The following CAMTA1 variants were observed in gnomAD, a reference collection of about 807,000 sequenced individuals.
CAMTA1 encodes the protein calmodulin-binding transcription activator 1.
CAMTA1 carries 27 observed loss-of-function variants against 170.9 expected under a neutral mutation model. The ratio of observed to expected loss-of-function variants is 0.16; its 90% CI spans 0.12 to 0.22. The LOEUF is 0.22. CAMTA1 is among the 10% of genes least tolerant of loss of function. CAMTA1 has a pLI of 1.00. For missense variants in CAMTA1, 1,619 were observed against 2,217.2 expected (o/e 0.73, Z 5.42); for synonymous variants, 833 against 891.5 (o/e 0.93, Z 1.17).
At position 7,715,645 on chromosome 1, in the gene CAMTA1, A is replaced by T. The variant is rs894584605; in HGVS notation, c.2915-16803A>T. Among the ~76,000 whole-genome samples, 3 of 152,138 alleles carry T rather than the reference A, an allele frequency of 2.0e-5. No homozygotes were observed. In the East Asian group the frequency reaches 5.8e-4, roughly 29 times the overall value. On this transcript the variant is annotated intron_variant, in intron 11 of 22. Transcript: ENST00000303635. ...CCTTAAGTGTTTTGCTTTTTTACGT[A>T]ATCCAAGGGATGCTTTAATGCTGGC...
intron 3 of CAMTA1, among the ~76,000 whole-genome samples, chr1:6,973,237 T>C (rs1692845374): frequency 6.6e-6 from 1 of 152,248 alleles, no homozygotes; most frequent in Non-Finnish European, 1.5e-5. Flanking sequence ...GAACTCATCT[T>C]GCATGACTGA....
intron 4 of CAMTA1, among the ~76,000 whole-genome samples, chr1:7,098,395 C>T (rs1298672252): frequency 6.6e-6 from 1 of 152,246 alleles, no homozygotes. Flanking sequence ...TGGCCAAGGC[C>T]ATTGTTGGCC....
intron 6 of CAMTA1, among the ~76,000 whole-genome samples, chr1:7,517,018 G>A (rs1188101355): frequency 6.6e-6 from 1 of 151,856 alleles, no homozygotes; most frequent in Non-Finnish European, 1.5e-5. Flanking sequence ...TCAGATTTTA[G>A]TGTCTGAACT....
At chr1:7,466,102 G>A (rs2093204735) in intron 5 of CAMTA1, among the ~76,000 whole-genome samples, 1 of 152,196 alleles carries the variant, frequency 6.6e-6, no homozygotes, top group Non-Finnish European at 1.5e-5. Flanking sequence ...GAAAGGAGAT[G>A]GTGAATGTCA....
chr1:7,686,249 A>G (rs896858639), intron 11 of CAMTA1, among the ~76,000 whole-genome samples: 2 of 152,168 alleles, frequency 1.3e-5, no homozygotes, highest in African/African-American at 4.8e-5. Context: ...TCAGATGTTG[A>G]TACCTGCTGG....
chr1:7,262,064 G>A (rs1185941764), intron 5 of CAMTA1, among the ~76,000 whole-genome samples: 1 of 152,128 alleles, frequency 6.6e-6, no homozygotes, highest in Non-Finnish European at 1.5e-5. Flanking sequence ...TCATTTTGTT[G>A]GATGCTTTTA....
intron 3 of CAMTA1, among the ~76,000 whole-genome samples, chr1:7,033,281 A>G (rs1339232193): frequency 6.6e-6 from 1 of 151,856 alleles, no homozygotes; most frequent in African/African-American, 2.4e-5. Context: ...GTGGTGTCTA[A>G]TTGTCTGTTA....
intron 3 of CAMTA1, among the ~76,000 whole-genome samples, chr1:7,057,137 G>C (rs755933222): frequency 3.3e-5 from 5 of 152,186 alleles, no homozygotes; most frequent in African/African-American, 9.6e-5. Flanking sequence ...GCCTGAGATG[G>C]GGGTCTGGGC....
intron 6 of CAMTA1, among the ~76,000 whole-genome samples, chr1:7,544,062 G>C (rs1328002202): frequency 6.6e-6 from 1 of 152,094 alleles, no homozygotes; most frequent in African/African-American, 2.4e-5. Context: ...ATCTTGGTTG[G>C]TGTATTAGTC....
At chr1:7,147,389 A>C (rs999881953) in intron 4 of CAMTA1, among the ~76,000 whole-genome samples, 1 of 148,212 alleles carries the variant, frequency 6.7e-6, no homozygotes, top group Non-Finnish European at 1.5e-5. Context: ...GTGCCACTGC[A>C]CTCCAGCCTG....
intron 3 of CAMTA1, among the ~76,000 whole-genome samples, chr1:6,884,391 T>C (rs1672585819): frequency 6.6e-6 from 1 of 152,040 alleles, no homozygotes; most frequent in Middle Eastern, 3.4e-3. Flanking sequence ...TAAAAATTGA[T>C]AATATCAGGT....
At chr1:6,943,242 G>A (rs535136637) in intron 3 of CAMTA1, among the ~76,000 whole-genome samples, 16 of 151,588 alleles carry the variant, frequency 1.1e-4, no homozygotes, top group African/African-American at 3.1e-4. Flanking sequence ...CTCACCTGGC[G>A]TCCAGGACAC....
chr1:7,055,916 C>T (rs1707256029), intron 3 of CAMTA1, among the ~76,000 whole-genome samples: 1 of 152,182 alleles, frequency 6.6e-6, no homozygotes, highest in Non-Finnish European at 1.5e-5. Flanking sequence ...CAGCGAGTCC[C>T]CTGCCCCTTC....
At chr1:7,343,510 A>G (rs845275) in intron 5 of CAMTA1, among the ~76,000 whole-genome samples, 58,458 of 152,096 alleles carry the variant, frequency 0.38, 12,043 homozygotes, top group Non-Finnish European at 0.45. Flanking sequence ...ATGACACACT[A>G]TTGTTGTTGT....
At chr1:7,031,751 C>T (rs1702839032) in intron 3 of CAMTA1, among the ~76,000 whole-genome samples, 1 of 152,072 alleles carries the variant, frequency 6.6e-6, no homozygotes. Flanking sequence ...CTGTGTTAGC[C>T]AGGATGGTGT....
At chr1:6,995,861 TAGAC>T (rs1463715445) in intron 3 of CAMTA1, among the ~76,000 whole-genome samples, 2 of 152,104 alleles carry the variant, frequency 1.3e-5, no homozygotes, top group Non-Finnish European at 2.9e-5. Context: ...CCAGGCAACT[TAGAC>T]AGGCATAAGA....
intron 4 of CAMTA1, among the ~76,000 whole-genome samples, chr1:7,157,870 A>G (rs1403513741): frequency 6.6e-6 from 1 of 152,096 alleles, no homozygotes; most frequent in African/African-American, 2.4e-5. Context: ...AGAGAAACAC[A>G]TTTTGGGGGC....
At position 7,065,404 on chromosome 1, in the gene CAMTA1, G is replaced by A. The variant is rs1708830993; in HGVS notation, c.235-25900G>A. ...TTCAGAGTGGCCAGCGGGAAGTTTT[G>A]TAGTGAATATAGAGGAGACGAAAAA... On this transcript the variant is annotated intron_variant, in intron 3 of 22. Coordinates refer to ENST00000303635, the MANE Select transcript of CAMTA1 (RefSeq NM_015215.4). The surrounding 1 kb of genome is among the most constrained non-coding windows in gnomAD (Gnocchi z 5.2). Among the ~76,000 whole-genome samples, 1 of 152,156 alleles carries A rather than the reference G, an allele frequency of 6.6e-6. No individual in the cohort carries two copies. The highest frequency in any genetic ancestry group is 1.9e-4 in the East Asian group (1 of 5,196).
rs371971274 is a variant in CAMTA1 at position 7,664,525 on chromosome 1, G to A, written c.1978G>A (p.Gly660Ser). The A allele has an allele frequency of 1.5e-5, 24 of 1,613,138 alleles. No individual in the cohort carries two copies. The highest frequency in any genetic ancestry group is 5.3e-5 in the African/African-American group (4 of 74,932). ...EASSQTSSCS[G>S]HVETRIESTS... ...CTCGTCCCAAACCAGCTCCTGCAGC[G>A]GTCACGTGGAGACGCGGATCGAGTC... Residue 660 changes from glycine to serine, a missense_variant, in exon 9 of 23, where the codon GGT becomes AGT. Coordinates refer to ENST00000303635, the MANE Select transcript of CAMTA1 (RefSeq NM_015215.4).
Sources: gnomAD v4.1 joint callset for allele counts (sites outside exome capture counted in the v4.1 genomes callset) on GRCh38, gnomAD v4.1.1 for gene constraint, Gnocchi (gnomAD v3.1) non-coding constraint, MANE v1.5 for transcripts, NCBI Gene and HGNC (gene_info 2026-07-23, HGNC 2026-07-21) for gene names.